Variants in STK39 observed in about 807,000 individuals in gnomAD.
The protein encoded by STK39 is serine/threonine kinase 39.
In STK39, 20 loss-of-function variants were observed where a neutral mutation model predicts 77.8. The observed-to-expected ratio is 0.26, with a 90% CI of 0.18 to 0.37. The LOEUF (loss-of-function observed/expected upper bound fraction) is 0.37. Ranked by LOEUF, STK39 falls within the 10% of genes least tolerant of loss-of-function variation. The probability of loss-of-function intolerance (pLI) is 1.00; values close to 1 mark genes in which losing one functional copy is unlikely to be tolerated. For missense variants in STK39, 479 were observed against 656.5 expected (o/e 0.73, Z 2.95); for synonymous variants, 246 against 234.1 (o/e 1.05, Z -0.47).
intron 16 of STK39, among the ~76,000 whole-genome samples, chr2:167,987,349 G>C (rs1258120230): frequency 1.3e-5 from 2 of 152,044 alleles, no homozygotes; most frequent in African/African-American, 4.8e-5. Flanking sequence ...GCATATACTC[G>C]GAAGCTTTTT....
intron 16 of STK39, among the ~76,000 whole-genome samples, chr2:167,988,704 G>A (rs1683623171): frequency 6.6e-6 from 1 of 152,126 alleles, no homozygotes; most frequent in Admixed American, 6.5e-5. Context: ...AGCTGATTTA[G>A]TTTACATTAA....
intron 1 of STK39, among the ~76,000 whole-genome samples, chr2:168,245,962 TA>T (rs1248211230): frequency 6.6e-6 from 1 of 152,128 alleles, no homozygotes; most frequent in Non-Finnish European, 1.5e-5. Flanking sequence ...TTTATGTATA[TA>T]TTTATATATA....
At chr2:168,017,637 T>G (rs1184243284) in intron 14 of STK39, among the ~76,000 whole-genome samples, 1 of 152,098 alleles carries the variant, frequency 6.6e-6, no homozygotes, top group Non-Finnish European at 1.5e-5. Flanking sequence ...CCTCCCAAAG[T>G]GCTGGGATTA....
Position 168,002,087 on chromosome 2 carries a change from T to C in STK39, c.1498+10547A>G, listed in dbSNP as rs79537804. Among the ~76,000 whole-genome samples the C allele has an allele frequency of 2.1e-3, 319 of 152,346 alleles. 2 individuals carry two copies. The highest frequency in any genetic ancestry group is 7.1e-3 in the African/African-American group (294 of 41,584). Reference sequence around the variant, plus strand: ...TGAAAAAAGCAAGACTCTACTGACTTAGTAGATATCTACAACTAATCCACT... The same window carrying C: ...TGAAAAAAGCAAGACTCTACTGACTCAGTAGATATCTACAACTAATCCACT... On this transcript the variant is annotated intron_variant, in intron 16 of 17. Coordinates refer to ENST00000355999, the MANE Select transcript of STK39 (RefSeq NM_013233.3).
intron 16 of STK39, among the ~76,000 whole-genome samples, chr2:167,982,520 A>G (rs952783867): frequency 2.0e-5 from 3 of 152,208 alleles, no homozygotes; most frequent in African/African-American, 7.2e-5. Flanking sequence ...AGGTATGTTT[A>G]TATCACTCTG....
chr2:168,073,937 T>C (rs536525137), intron 12 of STK39, among the ~76,000 whole-genome samples: 4 of 152,138 alleles, frequency 2.6e-5, no homozygotes, highest in East Asian at 3.9e-4. Flanking sequence ...ATTTTATGTA[T>C]GAAATTGAGA....
At chr2:168,123,872 CAAAAAAAAA>C (rs60490866) in intron 10 of STK39, among the ~76,000 whole-genome samples, 1 of 119,750 alleles carries the variant, frequency 8.4e-6, no homozygotes, top group African/African-American at 3.1e-5. Flanking sequence ...GATTCCATCT[CAAAAAAAAA>C]AAAAAAAAAG....
intron 1 of STK39, among the ~76,000 whole-genome samples, chr2:168,203,982 G>C (rs1689677722): frequency 6.6e-6 from 1 of 152,186 alleles, no homozygotes; most frequent in Non-Finnish European, 1.5e-5. Context: ...AAAGAAAGGG[G>C]GAAAAACACA....
At chr2:168,027,204 G>A (rs962540296) in intron 14 of STK39, among the ~76,000 whole-genome samples, 3 of 152,084 alleles carry the variant, frequency 2.0e-5, no homozygotes, top group Admixed American at 6.5e-5. Flanking sequence ...AGCCTTGCCC[G>A]AAATCGAAGC....
At chr2:168,233,932 G>C (rs187563391) in intron 1 of STK39, among the ~76,000 whole-genome samples, 165 of 152,308 alleles carry the variant, frequency 1.1e-3, no homozygotes, top group Middle Eastern at 6.8e-3. Flanking sequence ...AATGAGGTAA[G>C]TCAGTAAGAT....
chr2:167,973,504 GGGATGTTCA>G (rs1486767541), intron 16 of STK39, among the ~76,000 whole-genome samples: 1 of 152,194 alleles, frequency 6.6e-6, no homozygotes, highest in Non-Finnish European at 1.5e-5. Context: ...TTTAAAAACA[GGGATGTTCA>G]GGACAAGTCA....
intron 14 of STK39, among the ~76,000 whole-genome samples, chr2:168,057,349 C>T (rs1410822837): frequency 6.6e-6 from 1 of 152,164 alleles, no homozygotes; most frequent in Non-Finnish European, 1.5e-5. Flanking sequence ...TGTGCCACCA[C>T]ACTCAGCTAA....
chr2:168,009,011 G>A (rs1302968761), intron 16 of STK39, among the ~76,000 whole-genome samples: 2 of 152,142 alleles, frequency 1.3e-5, no homozygotes, highest in Non-Finnish European at 2.9e-5. Flanking sequence ...TTTTGCAGGT[G>A]TGTTTTCCCC....
intron 14 of STK39, among the ~76,000 whole-genome samples, chr2:168,038,416 T>A (rs1239619179): frequency 1.3e-5 from 2 of 148,472 alleles, no homozygotes; most frequent in Non-Finnish European, 3.0e-5. Context: ...ACTTAAAATA[T>A]CCATAGACCT....
chr2:168,221,673 C>T (rs944767950), intron 1 of STK39, among the ~76,000 whole-genome samples: 2 of 152,130 alleles, frequency 1.3e-5, no homozygotes, highest in African/African-American at 4.8e-5. Context: ...CAGAGAATTA[C>T]CTCAAAGGGT....
chr2:168,136,850 A>C (rs1279790734), intron 8 of STK39, among the ~76,000 whole-genome samples: 2 of 152,258 alleles, frequency 1.3e-5, no homozygotes, highest in Non-Finnish European at 2.9e-5. Context: ...AAGCCCTATG[A>C]ATCAAATATA....
intron 5 of STK39, among the ~76,000 whole-genome samples, chr2:168,154,538 G>C (rs930484458): frequency 3.9e-5 from 6 of 152,166 alleles, no homozygotes; most frequent in African/African-American, 1.4e-4. Context: ...TAACTTATAA[G>C]ATGTTATTGA....
chr2:168,098,993 A>G (rs112773465), intron 10 of STK39, among the ~76,000 whole-genome samples: 2,429 of 152,332 alleles, frequency 0.016, 36 homozygotes, highest in Middle Eastern at 0.041. Flanking sequence ...ACTACACTGT[A>G]AGGAGGAGAG....
intron 5 of STK39, among the ~76,000 whole-genome samples, chr2:168,158,711 T>G (rs1688497099): frequency 6.6e-6 from 1 of 152,206 alleles, no homozygotes; most frequent in African/African-American, 2.4e-5. Flanking sequence ...CCCACTGTAA[T>G]TTAGTTTCTC....
Sources: gnomAD v4.1 joint callset for allele counts (sites outside exome capture counted in the v4.1 genomes callset) on GRCh38, gnomAD v4.1.1 for gene constraint, MANE v1.5 for transcripts, NCBI Gene and HGNC (gene_info 2026-07-23, HGNC 2026-07-21) for gene names.